Variants in DISC1 observed in about 807,000 individuals in gnomAD.
DISC1 encodes DISC1 scaffold protein.
A neutral mutation model predicts 84.5 loss-of-function variants in DISC1; 57 were observed. The observed-to-expected ratio is 0.67, with a 90% CI of 0.55 to 0.84. The LOEUF is 0.84. Among genes scored for constraint, DISC1 ranks in the 40% least tolerant of loss-of-function variants. The pLI is 0.00. For missense variants in DISC1, 1,000 were observed against 1,057.8 expected (o/e 0.95, Z 0.76); for synonymous variants, 411 against 415.2 (o/e 0.99, Z 0.12).
intron 1 of DISC1, among the ~76,000 whole-genome samples, chr1:231,634,717 A>G (rs201141620): frequency 1.3e-5 from 2 of 152,170 alleles, no homozygotes; most frequent in Non-Finnish European, 2.9e-5. Context: ...CACCTACTGT[A>G]TACACAGTAC....
rs577529206 is a variant in DISC1, at chr1:231,642,871, T to G, written c.67+15937T>G. Among the ~76,000 whole-genome samples the G allele has an allele frequency of 3.9e-5, 6 of 152,330 alleles. No homozygotes were observed. In the South Asian group the frequency reaches 1.0e-3, roughly 26 times the overall value. ...TGTAAACACAGTTTTCCTTCTTCCT[T>G]GGCTTCTCAGGTGTTTTAGCTCCAG... On this transcript the variant is annotated intron_variant, in intron 1 of 12. Coordinates refer to ENST00000439617, the MANE Select transcript of DISC1 (RefSeq NM_018662.3).
intron 9 of DISC1, among the ~76,000 whole-genome samples, chr1:231,877,751 A>G (rs1430098182): frequency 1.3e-5 from 2 of 152,238 alleles, no homozygotes; most frequent in African/African-American, 2.4e-5. Flanking sequence ...TTTTTCCTCC[A>G]TGTAACTTTG....
chr1:231,812,570 T>C (rs2080406414), intron 8 of DISC1, among the ~76,000 whole-genome samples: 1 of 152,192 alleles, frequency 6.6e-6, no homozygotes, highest in Admixed American at 6.5e-5. Flanking sequence ...GAATAAAATA[T>C]GTGGACAAGT....
intron 6 of DISC1, among the ~76,000 whole-genome samples, chr1:231,789,828 A>G (rs1332755191): frequency 6.6e-6 from 1 of 152,136 alleles, no homozygotes; most frequent in Non-Finnish European, 1.5e-5. Context: ...CATATTTTTG[A>G]CATCAGTGGT....
chr1:231,874,916 C>CAA (rs747303966), intron 9 of DISC1, among the ~76,000 whole-genome samples: 34 of 54,332 alleles, frequency 6.3e-4, no homozygotes, highest in African/African-American at 1.6e-3. Context: ...GACTCCGTCT[C>CAA]AAAAAAAAAA....
rs181506574 is a variant in DISC1, at chr1:231,927,860, T to A, written c.1982-30968T>A. 2.1e-3 allele frequency among the ~76,000 whole-genome samples: 315 copies of A among 152,356 alleles called. 1 individual carries two copies. The highest frequency in any genetic ancestry group is 3.6e-3 in the Non-Finnish European group (246 of 68,036). ...GTGTCTCCCAACACCTATACCTGGC[T>A]GGACCCCTTGCCATTGTCTCACCAC... On this transcript the variant is annotated intron_variant, in intron 9 of 12. Coordinates refer to ENST00000439617, the MANE Select transcript of DISC1 (RefSeq NM_018662.3).
intron 9 of DISC1, among the ~76,000 whole-genome samples, chr1:231,835,060 TGA>T (rs1159328709): frequency 1.3e-5 from 2 of 151,912 alleles, no homozygotes; most frequent in African/African-American, 4.8e-5. Context: ...TGAGGGATAG[TGA>T]GAGAGGTTGG....
At chr1:231,697,624 T>TTTTG (rs1479848930) in intron 2 of DISC1, among the ~76,000 whole-genome samples, 1 of 149,748 alleles carries the variant, frequency 6.7e-6, no homozygotes, top group Admixed American at 6.7e-5. Context: ...TTTTTTTTTT[T>TTTTG]TTTGGGTAGA....
chr1:231,747,623 A>G (rs1296825286), intron 3 of DISC1, among the ~76,000 whole-genome samples: 1 of 152,176 alleles, frequency 6.6e-6, no homozygotes, highest in Non-Finnish European at 1.5e-5. Flanking sequence ...CGGTCCGTGT[A>G]TCTAATTTTA....
chr1:231,777,918 G>A (rs1185848020), intron 6 of DISC1, among the ~76,000 whole-genome samples: 1 of 152,206 alleles, frequency 6.6e-6, no homozygotes, highest in Non-Finnish European at 1.5e-5. Flanking sequence ...GTGCCCTCAC[G>A]TCTTTGGCGA....
At chr1:231,680,803 G>A (rs2063611586) in intron 1 of DISC1, among the ~76,000 whole-genome samples, 1 of 152,166 alleles carries the variant, frequency 6.6e-6, no homozygotes, top group Non-Finnish European at 1.5e-5. Flanking sequence ...ATCTAAGTTG[G>A]CATGCAAAAT....
intron 6 of DISC1, among the ~76,000 whole-genome samples, chr1:231,773,551 A>G (rs2076718114): frequency 1.3e-5 from 2 of 151,980 alleles, no homozygotes; most frequent in Admixed American, 6.6e-5. Context: ...CACCCAGCTA[A>G]TTTTTTGTAT....
intron 9 of DISC1, among the ~76,000 whole-genome samples, chr1:231,838,131 A>G (rs6700577): frequency 1.7e-4 from 26 of 152,236 alleles, no homozygotes; most frequent in Admixed American, 1.4e-3. Context: ...GGAGAAGAAC[A>G]TGTGGCCCGT....
chr1:231,749,999 G>A lies in DISC1; in HGVS notation c.1191G>A (p.Arg397=). Residue 397 remains arginine (R), a synonymous_variant, in exon 4 of 13, where the codon AGG becomes AGA. Coordinates refer to ENST00000439617, the MANE Select transcript of DISC1 (RefSeq NM_018662.3). The stretch of plus-strand genomic sequence containing the variant: ...GCCTGCACTTTCAACTTCCTTCAAG[G>A]CAGCCAGCTCTTAGCAGTTTCCTGG... ...KISLHFQLPS[R]QPALSSFLGH... 1 of 1,614,224 alleles carries A rather than the reference G, an allele frequency of 6.2e-7. No homozygotes were observed. Among genetic ancestry groups the A allele is most frequent in the Non-Finnish European group, 8.5e-7 (1 of 1,180,036 alleles).
chr1:231,671,946 T>C (rs569203873), intron 1 of DISC1, among the ~76,000 whole-genome samples: 2 of 152,346 alleles, frequency 1.3e-5, no homozygotes, highest in South Asian at 4.1e-4. Flanking sequence ...GCATTGTCAA[T>C]AAACTTTCCT....
chr1:231,958,860 A>C lies in DISC1; in HGVS notation c.2014A>C (p.Met672Leu). The change falls in exon 10 of 13, where the codon ATG (methionine) becomes CTG (leucine). Residue 672 changes from methionine (M) to leucine (L), a missense_variant. Around this residue, in one of 3 missense-constraint regions of DISC1, gnomAD observed 397 missense variants for 377.5 expected, o/e 1.05. Coordinates refer to ENST00000439617, the MANE Select transcript of DISC1 (RefSeq NM_018662.3). ...TSVKENTMKY[M>L]ETLKNKLCSC... The stretch of plus-strand genomic sequence containing the variant: ...TGTGAAGGAAAATACTATGAAGTAC[A>C]TGGAAACACTTAAGAATAAACTGTG... 6.2e-7 allele frequency: 1 copy of C among 1,613,878 alleles called. No individual in the cohort carries two copies.
intron 1 of DISC1, among the ~76,000 whole-genome samples, chr1:231,685,291 A>T (rs201415423): frequency 2.6e-5 from 4 of 152,076 alleles, no homozygotes; most frequent in Non-Finnish European, 4.4e-5. Context: ...ACACATTTGG[A>T]TTTATATTTG....
intron 9 of DISC1, among the ~76,000 whole-genome samples, chr1:231,937,298 A>G (rs2091039515): frequency 6.6e-6 from 1 of 152,248 alleles, no homozygotes; most frequent in Admixed American, 6.5e-5. Context: ...TTAACTTATT[A>G]GCCATTCCGG....
At chr1:231,890,507 A>G (rs1173228093) in intron 9 of DISC1, among the ~76,000 whole-genome samples, 1 of 149,672 alleles carries the variant, frequency 6.7e-6, no homozygotes, top group Non-Finnish European at 1.5e-5. Context: ...TTTAACTTAG[A>G]TAGCTAGAAT....
Sources: gnomAD v4.1 joint callset for allele counts (sites outside exome capture counted in the v4.1 genomes callset) on GRCh38, gnomAD v4.1.1 for gene constraint, gnomAD v4.1.1 regional missense constraint, MANE v1.5 for transcripts, NCBI Gene and HGNC (gene_info 2026-07-23, HGNC 2026-07-21) for gene names.